The following RAB28 variants were observed in gnomAD, a reference collection of about 807,000 sequenced individuals.
The protein encoded by RAB28 is ras-related protein Rab-28.
Under a neutral mutation model 31.7 loss-of-function variants are expected in RAB28, and 24 were observed. That is an observed-to-expected ratio of 0.76 (90% CI 0.55 to 1.06). RAB28 has a LOEUF of 1.06. Among genes scored for constraint, RAB28 ranks in the 50% least tolerant of loss-of-function variants. The pLI is 0.00. For synonymous variants in RAB28, 100 were observed against 90.4 expected (o/e 1.11, Z -0.60); for missense variants, 254 against 258.5 (o/e 0.98, Z 0.12).
chr4:13,391,896 G>C (rs902755981), intron 4 of RAB28, among the ~76,000 whole-genome samples: 4 of 151,864 alleles, frequency 2.6e-5, no homozygotes, highest in African/African-American at 9.7e-5. Flanking sequence ...CACACACCGG[G>C]GCCTGTCGGG....
intron 4 of RAB28, among the ~76,000 whole-genome samples, chr4:13,446,327 G>A (rs1714693125): frequency 6.6e-6 from 1 of 152,186 alleles, no homozygotes; most frequent in Non-Finnish European, 1.5e-5. Context: ...GATCCACTGA[G>A]CAAGATCGCT....
chr4:13,368,507 CACCCAG>C lies in RAB28; in HGVS notation c.*45_*50del, dbSNP rs746653447. On this transcript the variant is annotated 3_prime_UTR_variant, in exon 7 of 7. Transcript: ENST00000330852. ...ACAAGTTCCTAGAAGTCCTCGGGCC[CACCCAG>C]AGGTGAAGGGCAGCCAGAACTATCA... 2 of 1,563,780 alleles carry C rather than the reference CACCCAG, an allele frequency of 1.3e-6. No individual in the cohort carries two copies. Among genetic ancestry groups the C allele is most frequent in the South Asian group, 2.4e-5 (2 of 83,990 alleles).
chr4:13,402,226 G>T (rs781200495), intron 4 of RAB28, among the ~76,000 whole-genome samples: 1 of 152,126 alleles, frequency 6.6e-6, no homozygotes, highest in Admixed American at 6.5e-5. Context: ...CAGATGGAAC[G>T]TTCTGTAAAT....
intron 3 of RAB28, among the ~76,000 whole-genome samples, chr4:13,468,319 G>A (rs912583798): frequency 2.0e-5 from 3 of 151,806 alleles, no homozygotes; most frequent in Non-Finnish European, 4.4e-5. Context: ...CATTCACCAA[G>A]ATAAACTACA....
intron 4 of RAB28, among the ~76,000 whole-genome samples, chr4:13,413,059 A>G (rs1036069209): frequency 1.3e-5 from 2 of 152,208 alleles, no homozygotes; most frequent in South Asian, 2.1e-4. Context: ...AATATCTAAT[A>G]TGCAGATAAC....
intron 4 of RAB28, among the ~76,000 whole-genome samples, chr4:13,392,086 T>C (rs775666728): frequency 1.2e-4 from 18 of 152,180 alleles, no homozygotes; most frequent in African/African-American, 2.7e-4. Flanking sequence ...ACTTAAAGTA[T>C]AATTTTTTAA....
At chr4:13,389,623 C>T (rs189423421) in intron 4 of RAB28, among the ~76,000 whole-genome samples, 11 of 152,218 alleles carry the variant, frequency 7.2e-5, no homozygotes, top group Admixed American at 1.3e-4. Context: ...ATGACCAATC[C>T]TATTTCATCC....
chr4:13,382,459 G>A (rs1369564900), intron 4 of RAB28, among the ~76,000 whole-genome samples: 1 of 151,738 alleles, frequency 6.6e-6, no homozygotes, highest in African/African-American at 2.4e-5. Context: ...TCCTGAGGAA[G>A]GGACCCAAAT....
chr4:13,368,341 C>A lies in RAB28; in HGVS notation c.*217G>T. On this transcript the variant is annotated 3_prime_UTR_variant, in exon 7 of 7. Transcript: ENST00000330852. ...AGTCTAATTCCAGGGAATGGGTTTT[C>A]CATTTTGAATTCAAAGTGTGTGGTC... The A allele has an allele frequency of 8.4e-7, 1 of 1,197,188 alleles. No homozygotes were observed. Among genetic ancestry groups the A allele is most frequent in the South Asian group, 4.0e-5 (1 of 25,096 alleles). The allele number at this position is 1,197,188 out of a possible 1,614,324, so 74.2% of individuals were successfully genotyped here.
chr4:13,472,347 C>T (rs1577247437), intron 3 of RAB28, among the ~76,000 whole-genome samples: 1 of 151,372 alleles, frequency 6.6e-6, no homozygotes, highest in Non-Finnish European at 1.5e-5. Context: ...CTTTATAATA[C>T]ACAAATTTCA....
intron 4 of RAB28, among the ~76,000 whole-genome samples, chr4:13,456,171 A>G (rs147379940): frequency 2.8e-3 from 420 of 152,326 alleles, no homozygotes; most frequent in African/African-American, 9.6e-3. Context: ...GTTCAGTGAA[A>G]GAATGGCCCT....
chr4:13,466,940 T>C (rs899358569), intron 3 of RAB28, among the ~76,000 whole-genome samples: 3 of 151,850 alleles, frequency 2.0e-5, no homozygotes, highest in Non-Finnish European at 2.9e-5. Flanking sequence ...AAAAGACAAA[T>C]GTTGCATGTT....
chr4:13,475,344 G>T (rs1716305136), intron 2 of RAB28, among the ~76,000 whole-genome samples: 1 of 151,382 alleles, frequency 6.6e-6, no homozygotes, highest in African/African-American at 2.4e-5. Context: ...ATATAATTAT[G>T]CAGTTTTCTC....
chr4:13,445,956 T>A (rs905299220), intron 4 of RAB28, among the ~76,000 whole-genome samples: 3 of 152,178 alleles, frequency 2.0e-5, no homozygotes, highest in Non-Finnish European at 4.4e-5. Flanking sequence ...TTAAGTCCCC[T>A]GAACCTGAGT....
At chr4:13,469,696 C>T (rs1056227829) in intron 3 of RAB28, among the ~76,000 whole-genome samples, 7 of 151,858 alleles carry the variant, frequency 4.6e-5, no homozygotes, top group African/African-American at 1.7e-4. Context: ...TAATAATCGA[C>T]AGCAATTTTC....
intron 4 of RAB28, among the ~76,000 whole-genome samples, chr4:13,409,988 A>G (rs562457144): frequency 1.3e-5 from 2 of 152,030 alleles, no homozygotes; most frequent in East Asian, 1.9e-4. Context: ...CCATCCCCCT[A>G]GTGCTATCTC....
At chr4:13,417,597 A>G (rs1022923003) in intron 4 of RAB28, among the ~76,000 whole-genome samples, 1 of 152,192 alleles carries the variant, frequency 6.6e-6, no homozygotes. Flanking sequence ...GGTGATATCC[A>G]AGCAAACAGG....
At chr4:13,466,151 A>G (rs1159533119) in intron 3 of RAB28, among the ~76,000 whole-genome samples, 1 of 152,028 alleles carries the variant, frequency 6.6e-6, no homozygotes, top group Non-Finnish European at 1.5e-5. Context: ...ACTACAAAAT[A>G]TTGGTCTGGG....
At chr4:13,414,768 G>C (rs1712650289) in intron 4 of RAB28, among the ~76,000 whole-genome samples, 1 of 152,132 alleles carries the variant, frequency 6.6e-6, no homozygotes, top group African/African-American at 2.4e-5. Flanking sequence ...GGAATTACAA[G>C]GCTGGTTTAA....
Sources: gnomAD v4.1 joint callset for allele counts (sites outside exome capture counted in the v4.1 genomes callset) on GRCh38, gnomAD v4.1.1 for gene constraint, MANE v1.5 for transcripts, NCBI Gene and HGNC (gene_info 2026-07-23, HGNC 2026-07-21) for gene names.